The following KIF15 variants were observed in gnomAD, a reference collection of about 807,000 sequenced individuals.
KIF15 encodes kinesin-like protein KIF15.
In KIF15, 140 loss-of-function variants were observed where a neutral mutation model predicts 190.6. The ratio of observed to expected loss-of-function variants is 0.73; its 90% CI spans 0.64 to 0.84. The LOEUF (loss-of-function observed/expected upper bound fraction) is 0.84. Ranked by LOEUF, KIF15 falls within the 40% of genes least tolerant of loss-of-function variation. KIF15 has a pLI of 0.00. For missense variants in KIF15, 1,372 were observed against 1,584.4 expected (o/e 0.87, Z 2.28); for synonymous variants, 528 against 551.3 (o/e 0.96, Z 0.59).
intron 27 of KIF15, 90 bp downstream of exon 27, chr3:44,838,511 AG>A: frequency 7.4e-7 from 1 of 1,344,304 alleles, no homozygotes. Flanking sequence ...TGAGAGGCCA[AG>A]GGGGTGGACC....
At chr3:44,833,624 T>C (rs970056289) in intron 26 of KIF15, among the ~76,000 whole-genome samples, 3 of 138,900 alleles carry the variant, frequency 2.2e-5, no homozygotes, top group African/African-American at 7.4e-5. Flanking sequence ...CGATGGGGAA[T>C]GGCTGTAAAT....
At chr3:44,775,760 T>C (rs926327700) in intron 3 of KIF15, among the ~76,000 whole-genome samples, 5 of 151,928 alleles carry the variant, frequency 3.3e-5, no homozygotes, top group Admixed American at 3.3e-4. Context: ...GAAACTTTAC[T>C]TTTTACCTGG....
chr3:44,828,023 A>G (rs1329304218), intron 23 of KIF15, among the ~76,000 whole-genome samples, 191 bp from the exon 24 acceptor site: 1 of 152,118 alleles, frequency 6.6e-6, no homozygotes, highest in Non-Finnish European at 1.5e-5. Flanking sequence ...GAGGGTTACA[A>G]TAATAATTTG....
At chr3:44,766,195 T>G (rs561708473) in intron 1 of KIF15, among the ~76,000 whole-genome samples, 1 of 152,254 alleles carries the variant, frequency 6.6e-6, no homozygotes, top group East Asian at 1.9e-4. Flanking sequence ...TGGGAAGAGA[T>G]TAGGAGTTAT....
At chr3:44,856,394 C>T (rs1699189240), downstream of KIF15, among the ~76,000 whole-genome samples, 2 of 152,102 alleles carry the variant, frequency 1.3e-5, no homozygotes, top group African/African-American at 2.4e-5. Flanking sequence ...GACAGATTTC[C>T]ACGATGGAAA....
At chr3:44,848,269 A>G (rs1559594206) in intron 31 of KIF15, among the ~76,000 whole-genome samples, 2 of 152,374 alleles carry the variant, frequency 1.3e-5, no homozygotes, top group East Asian at 3.9e-4. Flanking sequence ...CCTACTGCTC[A>G]GCATGCACAC....
chr3:44,825,637 T>C (rs1697599675), intron 20 of KIF15, among the ~76,000 whole-genome samples: 2 of 152,364 alleles, frequency 1.3e-5, no homozygotes, highest in South Asian at 4.1e-4. Context: ...GTATGAATAG[T>C]TGGAGTTGAG....
intron 6 of KIF15, chr3:44,862,194 G>A: frequency 4.4e-6 from 4 of 914,614 alleles, no homozygotes; most frequent in Non-Finnish European, 5.4e-6. Flanking sequence ...GGGGCGCTGC[G>A]GGGCCCGCGG....
intron 20 of KIF15, among the ~76,000 whole-genome samples, chr3:44,817,608 T>G (rs1160443702): frequency 6.6e-6 from 1 of 152,226 alleles, no homozygotes; most frequent in East Asian, 1.9e-4. Context: ...ATATCTCTGT[T>G]TTGGTACCAG....
chr3:44,844,990 T>G (rs1338639660), intron 30 of KIF15, among the ~76,000 whole-genome samples: 2 of 152,188 alleles, frequency 1.3e-5, no homozygotes, highest in African/African-American at 4.8e-5. Context: ...CAGAAGACAC[T>G]GAAGAACATC....
At chr3:44,868,167 G>A (rs142975689) in intron 6 of KIF15, among the ~76,000 whole-genome samples, 1 of 152,280 alleles carries the variant, frequency 6.6e-6, no homozygotes, top group East Asian at 1.9e-4. Context: ...TCTGTCTATA[G>A]ATTTGCCTGT....
chr3:44,840,734 T>C (rs950814199), intron 28 of KIF15, among the ~76,000 whole-genome samples: 2 of 142,716 alleles, frequency 1.4e-5, no homozygotes, highest in African/African-American at 2.6e-5. Context: ...AGTGGCATGA[T>C]CTCGGCTCAC....
At chr3:44,820,417 A>G (rs1708216748) in intron 20 of KIF15, among the ~76,000 whole-genome samples, 1 of 151,378 alleles carries the variant, frequency 6.6e-6, no homozygotes. Flanking sequence ...TGGCAGGGTC[A>G]CAGGACAATA....
chr3:44,865,386 T>G (rs1218088033), intron 6 of KIF15: 1 of 634,574 alleles, frequency 1.6e-6, no homozygotes, highest in Non-Finnish European at 2.6e-6. Context: ...TTTGATCATC[T>G]GTACAGTGCT....
intron 6 of KIF15, 103 bp from the exon 7 acceptor site, chr3:44,786,292 T>C: frequency 1.1e-6 from 1 of 875,110 alleles, no homozygotes; most frequent in South Asian, 2.0e-5. Context: ...GATAATAGCA[T>C]AGGAAATTTA....
intron 4 of KIF15, among the ~76,000 whole-genome samples, chr3:44,778,974 C>T (rs1160695366): frequency 6.2e-5 from 7 of 112,524 alleles, no homozygotes; most frequent in East Asian, 5.5e-4. Flanking sequence ...GGCGAGACTC[C>T]GCCTCAAAAA....
intron 4 of KIF15, among the ~76,000 whole-genome samples, chr3:44,778,651 T>C (rs1464883392): frequency 6.6e-6 from 1 of 152,046 alleles, no homozygotes; most frequent in Non-Finnish European, 1.5e-5. Flanking sequence ...GCAGAGTATC[T>C]GTCTATCTAT....
At chr3:44,840,216 A>C in intron 27 of KIF15, 139 bp from the exon 28 acceptor site, 3 of 537,532 alleles carry the variant, frequency 5.6e-6, no homozygotes, top group South Asian at 5.4e-5. Flanking sequence ...AGCCATCCCT[A>C]TCAGGTGCGA....
intron 10 of KIF15, chr3:44,799,054 G>C: frequency 2.9e-6 from 1 of 343,288 alleles, no homozygotes; most frequent in South Asian, 2.3e-5. Flanking sequence ...CTAGTAAGAT[G>C]AGGAGGAAAA....
Sources: allele counts gnomAD v4.1 joint callset (sites outside exome capture counted in the v4.1 genomes callset), GRCh38; gene constraint gnomAD v4.1.1; transcripts MANE v1.5; gene names NCBI Gene and HGNC (gene_info 2026-07-23, HGNC 2026-07-21).